Variants in ZNF469 observed in about 807,000 individuals in gnomAD.
The protein encoded by ZNF469 is zinc finger protein 469.
Under a neutral mutation model 1.0 loss-of-function variants are expected in ZNF469, and 1 was observed. The ratio of observed to expected loss-of-function variants is 1.00; its 90% CI spans 0.35 to 4.73. The LOEUF is 4.73. Ranked by LOEUF, ZNF469 falls within the 30% of genes most tolerant of loss-of-function variation. The pLI is 0.16. For missense variants in ZNF469, 6,100 were observed against 5,356.3 expected, an observed-to-expected ratio of 1.14 and a Z score of -4.33; for synonymous variants, 2,703 against 2,363.4, an observed-to-expected ratio of 1.14 and a Z score of -4.17.
chr16:88,306,406 G>C, the ZNF469 span, among the ~76,000 whole-genome samples: 1 of 152,250 alleles, frequency 6.6e-6, no homozygotes, highest in African/African-American at 2.4e-5. Flanking sequence ...CTGTAGGTGT[G>C]TGGATACCAG....
At chr16:88,214,607 A>G in the ZNF469 span, among the ~76,000 whole-genome samples, 1 of 152,192 alleles carries the variant, frequency 6.6e-6, no homozygotes, top group Middle Eastern at 3.4e-3. Flanking sequence ...TGCACCCATC[A>G]ACCCGTCATC....
the ZNF469 span, among the ~76,000 whole-genome samples, chr16:88,101,899 G>T: frequency 1.3e-5 from 2 of 152,130 alleles, no homozygotes; most frequent in South Asian, 2.1e-4. Flanking sequence ...AAGCCGTCAC[G>T]CTGGGAGGTC....
chr16:88,113,338 C>G, the ZNF469 span, among the ~76,000 whole-genome samples: 1 of 152,178 alleles, frequency 6.6e-6, no homozygotes, highest in Non-Finnish European at 1.5e-5. Flanking sequence ...TTTCCCAGCA[C>G]CGTTTATGGA....
At chr16:88,368,796 C>A in the ZNF469 span, among the ~76,000 whole-genome samples, 1 of 152,156 alleles carries the variant, frequency 6.6e-6, no homozygotes, top group Non-Finnish European at 1.5e-5. Flanking sequence ...CCTTGATCTC[C>A]TTCTCAAAGG....
the ZNF469 span, among the ~76,000 whole-genome samples, chr16:88,107,725 G>A: frequency 2.6e-5 from 4 of 152,210 alleles, no homozygotes; most frequent in Non-Finnish European, 4.4e-5. Context: ...GGACATAGAC[G>A]CGGAGGCAGA....
chr16:88,292,131 C>T, the ZNF469 span, among the ~76,000 whole-genome samples: 3 of 152,154 alleles, frequency 2.0e-5, no homozygotes, highest in Non-Finnish European at 4.4e-5. Context: ...GAGAATGGAG[C>T]AAAGGGGACT....
At chr16:88,384,569 G>A (rs1668193821) in intron 1 of ZNF469, among the ~76,000 whole-genome samples, 1 of 152,186 alleles carries the variant, frequency 6.6e-6, no homozygotes, top group Non-Finnish European at 1.5e-5. Context: ...CAGACCACAG[G>A]ACAGAGCTCA....
At chr16:88,195,901 C>T in the ZNF469 span, among the ~76,000 whole-genome samples, 3,507 of 152,328 alleles carry the variant, frequency 0.023, 101 homozygotes, top group East Asian at 0.14. Context: ...GCTCCAGAGA[C>T]AACACCGAGC....
chr16:88,215,097 T>C, the ZNF469 span, among the ~76,000 whole-genome samples: 3 of 152,352 alleles, frequency 2.0e-5, no homozygotes, highest in East Asian at 3.9e-4. Context: ...CCTATAATTC[T>C]GTCAGGCATG....
the ZNF469 span, among the ~76,000 whole-genome samples, chr16:88,252,455 A>G: frequency 6.7e-6 from 1 of 150,204 alleles, no homozygotes; most frequent in Non-Finnish European, 1.5e-5. Context: ...ACAGCTCCTA[A>G]CACTTCCATT....
the ZNF469 span, among the ~76,000 whole-genome samples, chr16:88,353,668 C>T: frequency 5.9e-5 from 9 of 152,228 alleles, no homozygotes; most frequent in African/African-American, 1.4e-4. Flanking sequence ...TCAGTCCACA[C>T]GAATCCTCAG....
chr16:88,275,104 C>T, the ZNF469 span, among the ~76,000 whole-genome samples: 19 of 152,206 alleles, frequency 1.2e-4, no homozygotes, highest in Admixed American at 1.2e-3. Flanking sequence ...CAAATGCTCC[C>T]ACGAGCTCTG....
the ZNF469 span, among the ~76,000 whole-genome samples, chr16:88,282,714 C>T: frequency 1.3e-5 from 2 of 152,224 alleles, no homozygotes; most frequent in African/African-American, 4.8e-5. Flanking sequence ...AAGAGCCTCA[C>T]TGTCAATTGT....
At chr16:88,227,929 C>T in the ZNF469 span, among the ~76,000 whole-genome samples, 3 of 152,206 alleles carry the variant, frequency 2.0e-5, no homozygotes, top group Non-Finnish European at 4.4e-5. Flanking sequence ...GTGCACCCCG[C>T]CAGGCTCTGC....
chr16:88,332,666 T>G, the ZNF469 span, among the ~76,000 whole-genome samples: 75,757 of 151,992 alleles, frequency 0.5, 19,535 homozygotes, highest in African/African-American at 0.64. Flanking sequence ...ACAAAGCAAG[T>G]CCTCCCCTAA....
chr16:88,111,878 G>A, the ZNF469 span, among the ~76,000 whole-genome samples: 1 of 152,066 alleles, frequency 6.6e-6, no homozygotes, highest in East Asian at 1.9e-4. Flanking sequence ...CTTGTGATCC[G>A]CCTGCCTTGG....
At chr16:88,157,693 C>G in the ZNF469 span, among the ~76,000 whole-genome samples, 5 of 152,180 alleles carry the variant, frequency 3.3e-5, no homozygotes, top group East Asian at 9.6e-4. Context: ...TGAAGAAATG[C>G]CCAGCTCCCC....
intron 1 of ZNF469, among the ~76,000 whole-genome samples, chr16:88,418,677 C>G (rs1905369441): frequency 6.6e-6 from 1 of 152,218 alleles, no homozygotes; most frequent in Admixed American, 6.5e-5. Flanking sequence ...TTCCCCAGCC[C>G]CTCCAATGCC....
At chr16:88,387,339 G>C (rs1310755451) in intron 1 of ZNF469, among the ~76,000 whole-genome samples, 1 of 152,198 alleles carries the variant, frequency 6.6e-6, no homozygotes, top group Non-Finnish European at 1.5e-5. Context: ...CCTTGGTCTG[G>C]GTTCACCAGG....
Sources: gnomAD v4.1 joint callset for allele counts (sites outside exome capture counted in the v4.1 genomes callset) on GRCh38, gnomAD v4.1.1 for gene constraint, MANE v1.5 for transcripts, NCBI Gene and HGNC (gene_info 2026-07-23, HGNC 2026-07-21) for gene names.